The following RAPGEF2 variants were observed in gnomAD, a reference collection of about 807,000 sequenced individuals.
RAPGEF2 encodes the protein Rap guanine nucleotide exchange factor 2, also known as PDZ domain containing guanine nucleotide exchange factor (GEF) 1.
RAPGEF2 carries 54 observed loss-of-function variants against 186.7 expected under a neutral mutation model. The ratio of observed to expected loss-of-function variants is 0.29; its 90% CI spans 0.23 to 0.36. The LOEUF is 0.36. RAPGEF2 is among the 10% of genes least tolerant of loss of function. The probability of loss-of-function intolerance (pLI) is 1.00; values close to 1 mark genes in which losing one functional copy is unlikely to be tolerated. For missense variants in RAPGEF2, 1,532 were observed against 2,045.0 expected (o/e 0.75, Z 4.84); for synonymous variants, 712 against 705.9 (o/e 1.01, Z -0.14).
At chr4:159,134,024 G>A (rs116409227) in intron 1 of RAPGEF2, among the ~76,000 whole-genome samples, 2,870 of 152,262 alleles carry the variant, frequency 0.019, 86 homozygotes, top group African/African-American at 0.065. Context: ...TGGCAATTCT[G>A]TGAGTTTTAA....
chr4:159,274,786 A>G (rs565943669), intron 7 of RAPGEF2, among the ~76,000 whole-genome samples: 4 of 152,204 alleles, frequency 2.6e-5, no homozygotes, highest in African/African-American at 4.8e-5. Flanking sequence ...TAGAAAAAAT[A>G]TATTAGGGAA....
chr4:159,200,373 T>C (rs1749276622), intron 3 of RAPGEF2, among the ~76,000 whole-genome samples: 1 of 151,794 alleles, frequency 6.6e-6, no homozygotes, highest in African/African-American at 2.4e-5. Context: ...GAGGCTGAGG[T>C]GGGAAGGTCA....
chr4:159,357,022 TTTAATGAATTGGGACTCATTTGGA>T lies in RAPGEF2; in HGVS notation c.4957+865_4957+888del, dbSNP rs1732130167. Among the ~76,000 whole-genome samples, 17 of 152,328 alleles carry T rather than the reference TTTAATGAATTGGGACTCATTTGGA, an allele frequency of 1.1e-4. No homozygotes were observed. The South Asian group carries it at 3.3e-3, about 30-fold the overall frequency. On this transcript the variant is annotated intron_variant, in intron 29 of 29. Coordinates refer to ENST00000691494, the MANE Select transcript of RAPGEF2 (RefSeq NM_001394067.2). Reference sequence around the variant, plus strand: ...TCTGTGGAAACATTATATTTGCGCTTTTAATGAATTGGGACTCATTTGGAAATGAAAGTCTGATAAAGAAAGATA... The same window carrying T: ...TCTGTGGAAACATTATATTTGCGCTTAATGAAAGTCTGATAAAGAAAGATA...
In RAPGEF2 at chr4:159,332,657, G is replaced by A. The variant is rs763917062; in HGVS notation, c.2095G>A (p.Asp699Asn). 4.3e-6 allele frequency: 7 copies of A among 1,613,982 alleles called. No individual in the cohort carries two copies. Among genetic ancestry groups the A allele is most frequent in the African/African-American group, 2.7e-5 (2 of 74,920 alleles). ...AAGGAACAAGCTGAAAAAGATACTCGACAAGACTCGGATCAGTATCTTGCC... is the reference window on the plus strand; with the variant it reads ...AAGGAACAAGCTGAAAAAGATACTCAACAAGACTCGGATCAGTATCTTGCC... ...GGRNKLKKILDKTRISILPQK... is the reference protein window; with the variant it reads ...GGRNKLKKILNKTRISILPQK... Residue 699 changes from aspartate to asparagine, a missense_variant, in exon 17 of 30, where the codon GAC (aspartate) becomes AAC (asparagine). This residue lies in a region of RAPGEF2 where 810 missense variants were observed against 1,210.5 expected (regional missense o/e 0.67). Coordinates refer to ENST00000691494, the MANE Select transcript of RAPGEF2 (RefSeq NM_001394067.2).
chr4:159,251,035 TG>T (rs1387848682), intron 7 of RAPGEF2, among the ~76,000 whole-genome samples: 2 of 152,170 alleles, frequency 1.3e-5, no homozygotes, highest in Non-Finnish European at 2.9e-5. Context: ...CCGGTGCTGC[TG>T]GCCAGGGCAG....
At chr4:159,338,262 T>G in intron 17 of RAPGEF2, 49 bp from the exon 18 acceptor site, 1 of 1,546,808 alleles carries the variant, frequency 6.5e-7, no homozygotes, top group South Asian at 1.2e-5. Context: ...AGTGATGATG[T>G]ACAACTTTTT....
At chr4:159,218,495 C>A (rs1751198011) in intron 4 of RAPGEF2, among the ~76,000 whole-genome samples, 1 of 152,164 alleles carries the variant, frequency 6.6e-6, no homozygotes, top group Non-Finnish European at 1.5e-5. Context: ...GTGGCTCGTG[C>A]CTGTAATCCC....
chr4:159,341,313 T>C (rs1199250103), intron 19 of RAPGEF2, among the ~76,000 whole-genome samples: 1 of 152,208 alleles, frequency 6.6e-6, no homozygotes, highest in African/African-American at 2.4e-5. Flanking sequence ...AAAGAAAGGA[T>C]AGAAAGTGCA....
chr4:159,256,526 T>C (rs1329832077), intron 7 of RAPGEF2, among the ~76,000 whole-genome samples: 2 of 152,242 alleles, frequency 1.3e-5, no homozygotes, highest in Non-Finnish European at 2.9e-5. Flanking sequence ...TGAGTATCTT[T>C]GTAATAGGAT....
At chr4:159,267,319 A>C (rs968193726) in intron 7 of RAPGEF2, 1 of 1,289,248 alleles carries the variant, frequency 7.8e-7, no homozygotes, top group Admixed American at 2.3e-5. Context: ...AGTAAGCACA[A>C]TAATGTAATT....
intron 20 of RAPGEF2, 70 bp from the exon 21 acceptor site, chr4:159,342,909 A>T: frequency 1.5e-6 from 2 of 1,306,160 alleles, no homozygotes; most frequent in Non-Finnish European, 2.1e-6. Flanking sequence ...TAGAGATGTT[A>T]TATGTCAATA....
chr4:159,180,365 C>T (rs767286234), intron 1 of RAPGEF2, among the ~76,000 whole-genome samples: 5 of 152,148 alleles, frequency 3.3e-5, no homozygotes, highest in Non-Finnish European at 2.9e-5. Flanking sequence ...CCCAAATCCA[C>T]GTTGGTCAAG....
At chr4:159,285,626 A>C (rs1428738548) in intron 7 of RAPGEF2, among the ~76,000 whole-genome samples, 1 of 152,218 alleles carries the variant, frequency 6.6e-6, no homozygotes, top group African/African-American at 2.4e-5. Flanking sequence ...ATATAAATGA[A>C]TTCCTATTTT....
intron 7 of RAPGEF2, among the ~76,000 whole-genome samples, chr4:159,275,095 G>A (rs75681915): frequency 1.5e-5 from 2 of 137,506 alleles, no homozygotes; most frequent in African/African-American, 2.8e-5. Context: ...GTGTGTGTGT[G>A]TATGATATAT....
At chr4:159,325,202 G>A (rs754150537) in intron 11 of RAPGEF2, among the ~76,000 whole-genome samples, 2 of 151,980 alleles carry the variant, frequency 1.3e-5, no homozygotes, top group Non-Finnish European at 2.9e-5. Flanking sequence ...ATAAGGCTAT[G>A]ACTTCAGTGT....
At chr4:159,138,733 G>T (rs1218272125) in intron 1 of RAPGEF2, among the ~76,000 whole-genome samples, 1 of 152,110 alleles carries the variant, frequency 6.6e-6, no homozygotes, top group Non-Finnish European at 1.5e-5. Flanking sequence ...GAAAGAATTA[G>T]GAAATGTGTA....
At chr4:159,321,712 T>C (rs1031735994) in intron 9 of RAPGEF2, among the ~76,000 whole-genome samples, 1 of 152,190 alleles carries the variant, frequency 6.6e-6, no homozygotes, top group African/African-American at 2.4e-5. Context: ...CATCAACAGC[T>C]AGAACCCTAC....
intron 7 of RAPGEF2, among the ~76,000 whole-genome samples, chr4:159,251,689 ACT>A (rs1259314379): frequency 6.6e-6 from 1 of 151,992 alleles, no homozygotes; most frequent in African/African-American, 2.4e-5. Flanking sequence ...ACCAATCAGC[ACT>A]CTGTGTCTAG....
chr4:159,236,647 C>G (rs1753298740), intron 4 of RAPGEF2, among the ~76,000 whole-genome samples: 1 of 148,146 alleles, frequency 6.8e-6, no homozygotes, highest in Non-Finnish European at 1.5e-5. Context: ...TTGTCCAAGT[C>G]TGTAACCTGC....
Sources: gnomAD v4.1 joint callset for allele counts (sites outside exome capture counted in the v4.1 genomes callset) on GRCh38, gnomAD v4.1.1 for gene constraint, gnomAD v4.1.1 regional missense constraint, MANE v1.5 for transcripts, NCBI Gene and HGNC (gene_info 2026-07-23, HGNC 2026-07-21) for gene names.